Variants in SLC41A3 observed in about 807,000 individuals in gnomAD.
The protein encoded by SLC41A3 is SLC41A1-like 2.
In SLC41A3, 44 loss-of-function variants were observed where a neutral mutation model predicts 45.4. That is an observed-to-expected ratio of 0.97 (90% CI 0.76 to 1.25). The LOEUF (loss-of-function observed/expected upper bound fraction) is 1.25, where lower values mean the gene tolerates loss of function less well. Among genes scored for constraint, SLC41A3 ranks in the 50% most tolerant of loss-of-function variants. The pLI, the probability that SLC41A3 is intolerant of heterozygous loss-of-function variation, is 0.00. For synonymous variants in SLC41A3, 256 were observed against 252.4 expected (o/e 1.01, Z -0.13); for missense variants, 550 against 600.6 (o/e 0.92, Z 0.88).
At chr3:126,094,314 T>C (rs1380654632) in intron 1 of SLC41A3, among the ~76,000 whole-genome samples, 1 of 152,228 alleles carries the variant, frequency 6.6e-6, no homozygotes, top group Admixed American at 6.5e-5. Context: ...CTCCAGAACC[T>C]ATACCTTTAA....
At position 126,007,626 on chromosome 3, in the gene SLC41A3, G is replaced by A. The variant is rs1939236799; in HGVS notation, c.1255-401C>T. On this transcript the variant is annotated intron_variant, in intron 10 of 10. Coordinates refer to ENST00000360370, the MANE Select transcript of SLC41A3 (RefSeq NM_017836.4). ...CCCTTCCTGAAGGTGCCATGGGGTA[G>A]TCCACACAAGCCTGCTCAGGTCTCA... 2.0e-5 allele frequency among the ~76,000 whole-genome samples: 3 copies of A among 152,292 alleles called. No individual in the cohort carries two copies. The South Asian group carries it at 6.2e-4, about 32-fold the overall frequency.
intron 1 of SLC41A3, among the ~76,000 whole-genome samples, chr3:126,078,671 A>G (rs1269623852): frequency 6.6e-6 from 1 of 152,130 alleles, no homozygotes; most frequent in East Asian, 1.9e-4. Flanking sequence ...TAGACTATTA[A>G]CGATCACTTT....
intron 1 of SLC41A3, among the ~76,000 whole-genome samples, chr3:126,093,321 T>C (rs1003562461): frequency 1.3e-5 from 2 of 152,182 alleles, no homozygotes; most frequent in African/African-American, 4.8e-5. Context: ...GGCTAATCAG[T>C]GTAACTCTAG....
intron 1 of SLC41A3, among the ~76,000 whole-genome samples, chr3:126,094,697 C>A (rs1335044258): frequency 1.3e-5 from 2 of 152,232 alleles, no homozygotes; most frequent in East Asian, 3.8e-4. Context: ...AAACAACCTG[C>A]AGCCTGCTAA....
At chr3:126,037,259 T>C (rs930569713) in intron 3 of SLC41A3, among the ~76,000 whole-genome samples, 2 of 152,194 alleles carry the variant, frequency 1.3e-5, no homozygotes, top group African/African-American at 2.4e-5. Flanking sequence ...GGAAGCTTCC[T>C]GAGGCCTCCC....
At chr3:126,010,166 T>C (rs1352531743) in intron 9 of SLC41A3, among the ~76,000 whole-genome samples, 4 of 152,132 alleles carry the variant, frequency 2.6e-5, no homozygotes, top group Non-Finnish European at 5.9e-5. Flanking sequence ...GAAATGCAGA[T>C]ACAAATAGAC....
intron 1 of SLC41A3, chr3:126,095,124 A>T (rs940882945): frequency 4.9e-6 from 3 of 606,958 alleles, no homozygotes; most frequent in Non-Finnish European, 8.8e-6. Context: ...GAGATCCAAT[A>T]ACAAAAAATT....
At chr3:126,046,961 CA>C (rs36095026) in intron 3 of SLC41A3, among the ~76,000 whole-genome samples, 162 of 81,208 alleles carry the variant, frequency 2.0e-3, no homozygotes, top group East Asian at 3.8e-3. Context: ...AACTCCATCT[CA>C]AAAAAAAAAA....
chr3:126,011,757 A>G (rs189959305), intron 9 of SLC41A3, among the ~76,000 whole-genome samples: 7 of 152,362 alleles, frequency 4.6e-5, no homozygotes, highest in Non-Finnish European at 1.0e-4. Context: ...TCATGGAATC[A>G]GAAGGAAGTG....
chr3:126,049,140 T>C (rs998061549), intron 3 of SLC41A3, among the ~76,000 whole-genome samples: 6 of 152,142 alleles, frequency 3.9e-5, no homozygotes, highest in African/African-American at 1.2e-4. Context: ...ATGTTTTACA[T>C]ATTTTAAGAG....
In SLC41A3 at chr3:126,097,495, G is replaced by C. The variant is rs146532891; in HGVS notation, c.-79+3934C>G. Among the ~76,000 whole-genome samples, 359 of 152,202 alleles carry C rather than the reference G, an allele frequency of 2.4e-3. 2 individuals carry two copies. The highest frequency in any genetic ancestry group is 8.3e-3 in the African/African-American group (346 of 41,534). ...TTAAGGGGGAGCCCTATCCTACCCC[G>C]CTCATGCCTAACTATCTGTAACACA... On this transcript the variant is annotated intron_variant, in intron 1 of 9. Transcript: ENST00000508835.
At chr3:126,007,688 C>G (rs2107627558) in intron 10 of SLC41A3, among the ~76,000 whole-genome samples, 1 of 152,316 alleles carries the variant, frequency 6.6e-6, no homozygotes, top group Middle Eastern at 3.4e-3. Context: ...AACCCCAGCT[C>G]CTTCCTTCTC....
chr3:126,030,236 G>A (rs1941696912), intron 4 of SLC41A3, among the ~76,000 whole-genome samples: 1 of 142,684 alleles, frequency 7.0e-6, no homozygotes, highest in South Asian at 2.3e-4. Flanking sequence ...TATATATTAA[G>A]TTATATAAAA....
chr3:126,044,315 C>G (rs1327883937), intron 3 of SLC41A3, among the ~76,000 whole-genome samples: 1 of 152,130 alleles, frequency 6.6e-6, no homozygotes, highest in Non-Finnish European at 1.5e-5. Context: ...ATGATGCAAA[C>G]ACTGACAGAA....
In SLC41A3 at chr3:126,026,569, G is replaced by A. The variant is rs1214458825; in HGVS notation, c.454-90C>T. 1.7e-5 allele frequency: 26 copies of A among 1,486,788 alleles called. No homozygotes were observed. The highest frequency in any genetic ancestry group is 3.6e-4 in the Middle Eastern group (2 of 5,556). The allele number at this position is 1,486,788 out of a possible 1,614,324, so 92.1% of individuals were successfully genotyped here. A position where few individuals can be genotyped will look rare whatever the true frequency, so the allele number is the denominator to read the frequency against. On this transcript the variant is annotated intron_variant, in intron 4 of 10. Transcript: ENST00000360370. The surrounding 1 kb of genome is among the most constrained non-coding windows in gnomAD (Gnocchi z 4.2). ...CACACCTCACTCACCGCAAGGGGCC[G>A]GGTGCCACATGCTACTGCCTCCTTT...
At chr3:126,064,966 C>T (rs1422524266) in intron 2 of SLC41A3, among the ~76,000 whole-genome samples, 1 of 152,202 alleles carries the variant, frequency 6.6e-6, no homozygotes, top group African/African-American at 2.4e-5. Context: ...GGGATTTCAC[C>T]CAAGGGAGGT....
chr3:126,015,693 C>A, intron 7 of SLC41A3, 120 bp from the exon 8 acceptor site: 1 of 932,984 alleles, frequency 1.1e-6, no homozygotes, highest in Non-Finnish European at 1.7e-6. Context: ...ACTCTCCTCT[C>A]CCCTACACAA....
chr3:126,094,473 T>G (rs1945555013), intron 1 of SLC41A3, among the ~76,000 whole-genome samples: 2 of 152,004 alleles, frequency 1.3e-5, no homozygotes, highest in Admixed American at 6.5e-5. Context: ...TTTTCGTAAT[T>G]AAGAAAAAAA....
At position 126,026,412 on chromosome 3, in the gene SLC41A3, T is replaced by G; in HGVS notation, c.521A>C (p.Glu174Ala). Reference protein sequence around the residue: ...AALLLGVVSREEVDVAKVELL... With the variant: ...AALLLGVVSRAEVDVAKVELL... ...CTCCACCTTGGCGACATCCACTTCC[T>G]CTCGAGACACCACGCCCAACAGCAG... The change falls in exon 5 of 11, where the codon GAG (glutamate) becomes GCG (alanine). Residue 174 changes from glutamate (E) to alanine (A), a missense_variant. Glu to Ala is a moderately radical substitution (Grantham distance 107, BLOSUM62 -1). Coordinates refer to ENST00000360370, the MANE Select transcript of SLC41A3 (RefSeq NM_017836.4). The surrounding 1 kb of genome is among the most constrained non-coding windows in gnomAD (Gnocchi z 4.2). 2 of 1,595,848 alleles carry G rather than the reference T, an allele frequency of 1.3e-6. No homozygotes were observed. The highest frequency in any genetic ancestry group is 1.7e-6 in the Non-Finnish European group (2 of 1,170,960).
Sources: gnomAD v4.1 joint callset for allele counts (sites outside exome capture counted in the v4.1 genomes callset) on GRCh38, gnomAD v4.1.1 for gene constraint, Gnocchi (gnomAD v3.1) non-coding constraint, MANE v1.5 for transcripts, NCBI Gene and HGNC (gene_info 2026-07-23, HGNC 2026-07-21) for gene names.